The following CNTN4 variants were observed in gnomAD, a reference collection of about 807,000 sequenced individuals.
The protein encoded by CNTN4 is contactin-4.
Under a neutral mutation model 122.5 loss-of-function variants are expected in CNTN4, and 77 were observed. The observed-to-expected ratio is 0.63, with a 90% CI of 0.52 to 0.76. The LOEUF (loss-of-function observed/expected upper bound fraction) is 0.76. CNTN4 is among the 30% of genes least tolerant of loss of function. The pLI, the probability that CNTN4 is intolerant of heterozygous loss-of-function variation, is 0.00. For synonymous variants in CNTN4, 512 were observed against 447.0 expected (o/e 1.15, Z -1.83); for missense variants, 1,256 against 1,259.1 (o/e 1.00, Z 0.04).
intron 3 of CNTN4, among the ~76,000 whole-genome samples, chr3:2,494,028 A>ATT (rs74511445): frequency 7.7e-4 from 112 of 146,124 alleles, no homozygotes; most frequent in African/African-American, 2.5e-3. Flanking sequence ...GTTTATTAGG[A>ATT]TTTTTTTTTT....
At chr3:2,807,690 G>A (rs530016703) in intron 6 of CNTN4, among the ~76,000 whole-genome samples, 8 of 151,758 alleles carry the variant, frequency 5.3e-5, no homozygotes, top group African/African-American at 1.4e-4. Context: ...GGAGCAATGA[G>A]TCTAAGCATG....
At chr3:2,316,287 C>A (rs1019971395) in intron 2 of CNTN4, among the ~76,000 whole-genome samples, 2 of 151,932 alleles carry the variant, frequency 1.3e-5, no homozygotes, top group African/African-American at 2.4e-5. Context: ...ATCTGTCTGA[C>A]AATAAAATGT....
At chr3:2,170,365 C>G (rs2036447561) in intron 2 of CNTN4, among the ~76,000 whole-genome samples, 1 of 151,908 alleles carries the variant, frequency 6.6e-6, no homozygotes, top group Admixed American at 6.6e-5. Flanking sequence ...ATATTATATT[C>G]ACAGAAGAAA....
At chr3:2,676,418 C>T (rs971331288) in intron 4 of CNTN4, among the ~76,000 whole-genome samples, 1 of 152,140 alleles carries the variant, frequency 6.6e-6, no homozygotes, top group East Asian at 1.9e-4. Flanking sequence ...GACAGGGTTT[C>T]TGTATGTTGG....
intron 2 of CNTN4, among the ~76,000 whole-genome samples, chr3:2,239,555 G>A (rs1014183765): frequency 2.6e-5 from 4 of 152,114 alleles, no homozygotes; most frequent in South Asian, 4.1e-4. Flanking sequence ...GGGCAATTCA[G>A]TTTCCCTAAG....
chr3:2,534,958 C>T (rs1045785611), intron 3 of CNTN4, among the ~76,000 whole-genome samples: 1 of 151,758 alleles, frequency 6.6e-6, no homozygotes, highest in Non-Finnish European at 1.5e-5. Flanking sequence ...TTTCATATCG[C>T]CTGTTCTATC....
chr3:2,369,324 A>G (rs751079849), intron 3 of CNTN4, among the ~76,000 whole-genome samples: 4 of 152,212 alleles, frequency 2.6e-5, no homozygotes, highest in Non-Finnish European at 5.9e-5. Context: ...AACAGGTGAG[A>G]GTAGGACTTT....
chr3:2,120,006 A>G (rs2033614721), intron 2 of CNTN4, among the ~76,000 whole-genome samples: 1 of 152,090 alleles, frequency 6.6e-6, no homozygotes, highest in African/African-American at 2.4e-5. Flanking sequence ...GAGACCCCCA[A>G]ACTTGAGATG....
chr3:2,841,162 TTAAGTCAAAA>T lies in CNTN4; in HGVS notation c.454+21584_454+21593del. 6.6e-6 allele frequency among the ~76,000 whole-genome samples: 1 copy of T among 152,206 alleles called. No homozygotes were observed. The highest frequency in any genetic ancestry group is 1.9e-4 in the East Asian group (1 of 5,188). ...GGGTTAATGCTAACTCTCATAGAAT[TTAAGTCAAAA>T]TATCTGTCTTTGTTTGCATTGCCCA... On this transcript the variant is annotated intron_variant, in intron 7 of 24. Coordinates refer to ENST00000418658, the MANE Select transcript of CNTN4 (RefSeq NM_175607.3). The surrounding 1 kb of genome is among the most constrained non-coding windows in gnomAD (Gnocchi z 4.8).
At chr3:3,025,535 G>A (rs1698655473) in intron 14 of CNTN4, among the ~76,000 whole-genome samples, 1 of 152,198 alleles carries the variant, frequency 6.6e-6, no homozygotes, top group Admixed American at 6.5e-5. Flanking sequence ...CTGAAAAACT[G>A]TGAACCAAAA....
chr3:2,554,068 C>A (rs1252848653), intron 3 of CNTN4, among the ~76,000 whole-genome samples: 2 of 152,090 alleles, frequency 1.3e-5, no homozygotes, highest in Admixed American at 6.6e-5. Context: ...ACATCACAAA[C>A]CTTGTTCAGC....
chr3:2,648,625 T>TG (rs1440921454), intron 4 of CNTN4, among the ~76,000 whole-genome samples: 1 of 152,140 alleles, frequency 6.6e-6, no homozygotes, highest in Non-Finnish European at 1.5e-5. Flanking sequence ...TCCCTTCTCC[T>TG]GGGGCCTCCC....
chr3:2,369,907 G>A (rs1048833128), intron 3 of CNTN4, among the ~76,000 whole-genome samples: 3 of 152,074 alleles, frequency 2.0e-5, no homozygotes, highest in East Asian at 3.9e-4. Context: ...TCTTGAGAAT[G>A]TCTGGGCCTG....
chr3:2,312,576 A>G (rs1054005860), intron 2 of CNTN4, among the ~76,000 whole-genome samples: 1 of 152,060 alleles, frequency 6.6e-6, no homozygotes, highest in African/African-American at 2.4e-5. Context: ...GTAGGAACAC[A>G]TGCCTCTCTA....
intron 2 of CNTN4, among the ~76,000 whole-genome samples, chr3:2,139,198 A>G (rs979341025): frequency 4.6e-5 from 7 of 152,186 alleles, no homozygotes; most frequent in African/African-American, 1.7e-4. Flanking sequence ...TGTTTTCATC[A>G]TACCCCTAGG....
chr3:2,113,169 A>T (rs963421749), intron 2 of CNTN4, among the ~76,000 whole-genome samples: 1 of 152,174 alleles, frequency 6.6e-6, no homozygotes, highest in African/African-American at 2.4e-5. Flanking sequence ...TGAGCAACTG[A>T]AGCGGGTGGA....
intron 2 of CNTN4, among the ~76,000 whole-genome samples, chr3:2,298,607 G>A (rs1227801290): frequency 6.6e-6 from 1 of 151,856 alleles, no homozygotes; most frequent in Non-Finnish European, 1.5e-5. Context: ...TCCATCTTTG[G>A]TACATTCATA....
chr3:2,120,982 A>G (rs571114391), intron 2 of CNTN4, among the ~76,000 whole-genome samples: 87 of 152,258 alleles, frequency 5.7e-4, no homozygotes, highest in Non-Finnish European at 9.6e-4. Flanking sequence ...GAGAGTTAGT[A>G]TGAGGCTCCT....
chr3:2,408,967 G>T (rs2047132339), intron 3 of CNTN4, among the ~76,000 whole-genome samples: 2 of 152,036 alleles, frequency 1.3e-5, no homozygotes, highest in African/African-American at 2.4e-5. Context: ...GCACTTGTAG[G>T]CAGTTTTTGT....
Sources: allele counts gnomAD v4.1 joint callset (sites outside exome capture counted in the v4.1 genomes callset), GRCh38; gene constraint gnomAD v4.1.1; non-coding constraint Gnocchi (gnomAD v3.1); transcripts MANE v1.5; gene names NCBI Gene and HGNC (gene_info 2026-07-23, HGNC 2026-07-21).